Variants in ODAD2 observed in about 807,000 individuals in gnomAD.
ODAD2 encodes the protein outer dynein arm docking complex subunit 2.
A neutral mutation model predicts 106.8 loss-of-function variants in ODAD2; 89 were observed. The observed-to-expected ratio is 0.83, with a 90% CI of 0.70 to 0.99. The LOEUF is 0.99. Among genes scored for constraint, ODAD2 ranks in the 50% least tolerant of loss-of-function variants. The probability of loss-of-function intolerance (pLI) is 0.00; values close to 1 mark genes in which losing one functional copy is unlikely to be tolerated. For missense variants in ODAD2, 1,168 were observed against 1,238.5 expected (o/e 0.94, Z 0.85); for synonymous variants, 404 against 436.2 (o/e 0.93, Z 0.92).
At chr10:27,970,074 CT>C (rs1848738387) in intron 8 of ODAD2, among the ~76,000 whole-genome samples, 2 of 151,456 alleles carry the variant, frequency 1.3e-5, no homozygotes, top group Non-Finnish European at 2.9e-5. Flanking sequence ...CCACTGCAGC[CT>C]GGGTGACAGC....
intron 19 of ODAD2, among the ~76,000 whole-genome samples, chr10:27,827,379 C>CACACTATATATATATATATA (rs1239159370): frequency 3.2e-4 from 42 of 132,444 alleles, no homozygotes; most frequent in Admixed American, 2.3e-3. Context: ...CACACACACA[C>CACACTATATATATATATATA]TATATATATA....
intron 19 of ODAD2, among the ~76,000 whole-genome samples, chr10:27,853,077 AG>A (rs1839396619): frequency 6.6e-6 from 1 of 151,978 alleles, no homozygotes; most frequent in Admixed American, 6.6e-5. Context: ...TGAATAAAAA[AG>A]TAAGCCCTGG....
chr10:27,813,648 C>G (rs990576891), intron 19 of ODAD2, among the ~76,000 whole-genome samples: 1 of 152,106 alleles, frequency 6.6e-6, no homozygotes, highest in Admixed American at 6.6e-5. Flanking sequence ...GCAAAGAAAT[C>G]TTACTAAGAA....
Position 27,862,513 on chromosome 10 carries a change from T to A in ODAD2, c.2720A>T (p.Asn907Ile). Residue 907 changes from asparagine (N) to isoleucine (I), a missense_variant, in exon 18 of 20, where the codon AAC (asparagine) becomes ATC (isoleucine). Physicochemically the swap from Asn to Ile is moderately radical, Grantham distance 149 (BLOSUM62 -3). Transcript: ENST00000305242. ...TAAATTTTCTTGATCTTTTGCTATGTTGGTAATGGCAGCACATACACTTGC... is the reference window on the plus strand; with the variant it reads ...TAAATTTTCTTGATCTTTTGCTATGATGGTAATGGCAGCACATACACTTGC... ...VLASVCAAIT[N>I]IAKDQENLAV... The A allele has an allele frequency of 6.2e-7, 1 of 1,613,218 alleles. No homozygotes were observed. Among genetic ancestry groups the A allele is most frequent in the Non-Finnish European group, 8.5e-7 (1 of 1,179,624 alleles).
chr10:27,826,226 G>A (rs1281195073), intron 19 of ODAD2, among the ~76,000 whole-genome samples: 1 of 152,152 alleles, frequency 6.6e-6, no homozygotes, highest in Non-Finnish European at 1.5e-5. Flanking sequence ...CTGCTTTTCT[G>A]TCACCAGGTT....
At chr10:27,881,467 CA>C (rs879485907) in intron 17 of ODAD2, among the ~76,000 whole-genome samples, 225 of 139,166 alleles carry the variant, frequency 1.6e-3, no homozygotes, top group African/African-American at 2.9e-3. Context: ...TCTGCTTCTA[CA>C]AAAAAAAAAA....
chr10:27,945,689 G>A (rs1846861641), intron 10 of ODAD2, among the ~76,000 whole-genome samples: 1 of 152,132 alleles, frequency 6.6e-6, no homozygotes. Context: ...CAGTAAACCA[G>A]ACCTGCCAGG....
Position 27,860,700 on chromosome 10 carries a change from C to T in ODAD2, c.2946G>A (p.Ala982=), listed in dbSNP as rs371338930. Residue 982 remains alanine (A), a synonymous_variant, in exon 19 of 20, where the codon GCG becomes GCA. Transcript: ENST00000305242. ...AGAGTTGGTACAAGGCCTGAGCTGT[C>T]GCCCGATGCACGTTGGTGTCATTTG... ...LKSNDTNVHR[A]TAQALYQLSE... The T allele has an allele frequency of 2.0e-5, 32 of 1,614,024 alleles. No individual in the cohort carries two copies. In the African/African-American group the frequency reaches 3.3e-4, roughly 17 times the overall value.
At chr10:27,834,452 A>G (rs575782662) in intron 19 of ODAD2, among the ~76,000 whole-genome samples, 1 of 152,140 alleles carries the variant, frequency 6.6e-6, no homozygotes, top group East Asian at 1.9e-4. Flanking sequence ...GTGATAACCT[A>G]ATCATCACAC....
intron 10 of ODAD2, among the ~76,000 whole-genome samples, chr10:27,957,753 T>C (rs1224317930): frequency 6.6e-6 from 1 of 152,206 alleles, no homozygotes; most frequent in Non-Finnish European, 1.5e-5. Context: ...ACAAACTCTA[T>C]TTATGTGCCA....
chr10:27,836,801 T>C (rs982358834), intron 19 of ODAD2, among the ~76,000 whole-genome samples: 1 of 152,212 alleles, frequency 6.6e-6, no homozygotes, highest in East Asian at 1.9e-4. Flanking sequence ...TGATTAATAA[T>C]GTTGGTTAAT....
chr10:27,865,730 C>T (rs1168200785), intron 17 of ODAD2, among the ~76,000 whole-genome samples: 1 of 152,206 alleles, frequency 6.6e-6, no homozygotes, highest in Non-Finnish European at 1.5e-5. Context: ...TGTTTGCAAA[C>T]TCATAGCCTT....
chr10:27,823,285 T>TA (rs1006085086), intron 19 of ODAD2, among the ~76,000 whole-genome samples: 1 of 152,172 alleles, frequency 6.6e-6, no homozygotes, highest in Admixed American at 6.5e-5. Context: ...AAGGATGGAT[T>TA]AAAAAAATCT....
chr10:27,966,052 T>C (rs1407017308), intron 9 of ODAD2, among the ~76,000 whole-genome samples: 1 of 152,222 alleles, frequency 6.6e-6, no homozygotes, highest in Non-Finnish European at 1.5e-5. Context: ...AGGAAGAGGA[T>C]AGGCAATTTT....
At chr10:27,994,877 A>G (rs764555755) in intron 2 of ODAD2, 42 bp downstream of exon 2, 1 of 1,604,266 alleles carries the variant, frequency 6.2e-7, no homozygotes, top group African/African-American at 1.3e-5. Flanking sequence ...AATACTATGT[A>G]CAACGAAGAT....
intron 17 of ODAD2, among the ~76,000 whole-genome samples, chr10:27,876,159 G>C (rs975558342): frequency 1.3e-5 from 2 of 152,196 alleles, no homozygotes; most frequent in African/African-American, 4.8e-5. Flanking sequence ...AACCTCTGCA[G>C]ACTTAAATGT....
intron 10 of ODAD2, among the ~76,000 whole-genome samples, chr10:27,956,016 T>A (rs1244425221): frequency 6.6e-6 from 1 of 151,978 alleles, no homozygotes; most frequent in Non-Finnish European, 1.5e-5. Context: ...AATACGCAAT[T>A]TGTGGTTACA....
intron 17 of ODAD2, among the ~76,000 whole-genome samples, chr10:27,876,604 T>C (rs1017147638): frequency 6.6e-6 from 1 of 152,208 alleles, no homozygotes; most frequent in Non-Finnish European, 1.5e-5. Flanking sequence ...TAGCAGCCAA[T>C]TATTTGCTTA....
At chr10:27,943,774 C>T (rs1846630208) in intron 12 of ODAD2, among the ~76,000 whole-genome samples, 2 of 120,112 alleles carry the variant, frequency 1.7e-5, no homozygotes, top group Non-Finnish European at 3.2e-5. Flanking sequence ...CAGCCTGAGC[C>T]ACAGAAGTGA....
Sources: allele counts gnomAD v4.1 joint callset (sites outside exome capture counted in the v4.1 genomes callset), GRCh38; gene constraint gnomAD v4.1.1; transcripts MANE v1.5; gene names NCBI Gene and HGNC (gene_info 2026-07-23, HGNC 2026-07-21).